The following GRM5 variants were observed in gnomAD, a reference collection of about 807,000 sequenced individuals.
GRM5 encodes glutamate metabotropic receptor 5.
GRM5 carries 19 observed loss-of-function variants against 83.1 expected under a neutral mutation model. The observed-to-expected ratio is 0.23, with a 90% CI of 0.16 to 0.34. The LOEUF is 0.34. GRM5 is among the 10% of genes least tolerant of loss of function. The probability of loss-of-function intolerance (pLI) is 1.00; values close to 1 mark genes in which losing one functional copy is unlikely to be tolerated. For missense variants in GRM5, 1,160 were observed against 1,588.3 expected (o/e 0.73, Z 4.58); for synonymous variants, 675 against 633.6 (o/e 1.07, Z -0.98).
Position 88,645,137 on chromosome 11 carries a change from C to A in GRM5, c.1147+8031G>T, listed in dbSNP as rs1504095. ...CAATGTACTTTTACATTGCTCTGAA[C>A]CCGTTCATTTAATCTTCATTTTATT... On this transcript the variant is annotated intron_variant, in intron 4 of 9. Coordinates refer to ENST00000305447, the MANE Select transcript of GRM5 (RefSeq NM_001143831.3). 4.3e-3 allele frequency among the ~76,000 whole-genome samples: 649 copies of A among 152,166 alleles called. 12 individuals are homozygous for A. In the East Asian group the frequency reaches 0.065, roughly 15 times the overall value.
intron 2 of GRM5, among the ~76,000 whole-genome samples, chr11:88,870,673 C>T (rs11021639): frequency 0.025 from 3,863 of 151,530 alleles, 176 homozygotes; most frequent in African/African-American, 0.089. Flanking sequence ...ATCTTGTGTT[C>T]CATTGTGGAC....
chr11:88,537,511 C>G (rs752456666), intron 8 of GRM5, among the ~76,000 whole-genome samples: 2 of 152,094 alleles, frequency 1.3e-5, no homozygotes, highest in African/African-American at 2.4e-5. Context: ...CCCAAGTCAG[C>G]CTTCCAAGTC....
chr11:88,872,508 G>T (rs1944787158), intron 2 of GRM5, among the ~76,000 whole-genome samples: 1 of 151,456 alleles, frequency 6.6e-6, no homozygotes, highest in African/African-American at 2.4e-5. Context: ...AAATTGTGAG[G>T]GAGGCAGAAG....
chr11:88,785,485 T>G (rs977457592), intron 3 of GRM5, among the ~76,000 whole-genome samples: 3 of 152,090 alleles, frequency 2.0e-5, no homozygotes, highest in Admixed American at 2.0e-4. Context: ...AATAAAGATT[T>G]TTGTCCCATT....
chr11:88,993,750 C>T (rs1448784054), intron 2 of GRM5, among the ~76,000 whole-genome samples: 1 of 152,094 alleles, frequency 6.6e-6, no homozygotes, highest in African/African-American at 2.4e-5. Flanking sequence ...GAGACAGGGT[C>T]TCACTCTGTT....
chr11:88,774,604 AT>A (rs200984972), intron 3 of GRM5, among the ~76,000 whole-genome samples: 3,457 of 152,198 alleles, frequency 0.023, 202 homozygotes, highest in Admixed American at 0.14. Context: ...AATAGCTCTT[AT>A]TATTTTGAGA....
intron 5 of GRM5, among the ~76,000 whole-genome samples, chr11:88,599,998 G>A (rs1164685397): frequency 1.3e-5 from 2 of 152,182 alleles, no homozygotes; most frequent in Non-Finnish European, 2.9e-5. Context: ...GGGTGACAGA[G>A]TGAGACTGTC....
intron 1 of GRM5, among the ~76,000 whole-genome samples, chr11:89,048,775 G>C (rs1327640426): frequency 6.6e-6 from 1 of 152,102 alleles, no homozygotes; most frequent in Non-Finnish European, 1.5e-5. Context: ...CCCCAAATAG[G>C]CTGCAAGGAA....
intron 2 of GRM5, among the ~76,000 whole-genome samples, chr11:88,956,707 G>C (rs1479597429): frequency 6.6e-6 from 1 of 152,354 alleles, no homozygotes; most frequent in East Asian, 1.9e-4. Flanking sequence ...TCGAGAGGCT[G>C]AGGCAGGAGA....
At chr11:88,649,390 T>A (rs1175333197) in intron 4 of GRM5, among the ~76,000 whole-genome samples, 1 of 142,344 alleles carries the variant, frequency 7.0e-6, no homozygotes, top group African/African-American at 2.6e-5. Context: ...ATGTATTATA[T>A]ATTATATATT....
chr11:88,639,216 C>T (rs1198055285), intron 4 of GRM5, among the ~76,000 whole-genome samples: 1 of 152,122 alleles, frequency 6.6e-6, no homozygotes, highest in Admixed American at 6.5e-5. Flanking sequence ...TGTCCCGGGT[C>T]ATGCGTGTTT....
chr11:88,737,235 A>G (rs1941933954), intron 3 of GRM5, among the ~76,000 whole-genome samples: 1 of 152,076 alleles, frequency 6.6e-6, no homozygotes, highest in Non-Finnish European at 1.5e-5. Flanking sequence ...CTCCTTTAAC[A>G]GTATAATGCT....
intron 3 of GRM5, 77 bp from the exon 4 acceptor site, chr11:88,653,480 C>T: frequency 1.1e-6 from 1 of 917,168 alleles, no homozygotes; most frequent in Non-Finnish European, 1.7e-6. Context: ...TTCCTTTTGA[C>T]AAGATTAGTC....
chr11:88,946,582 A>C (rs1004874986), intron 2 of GRM5, among the ~76,000 whole-genome samples: 1 of 152,080 alleles, frequency 6.6e-6, no homozygotes, highest in African/African-American at 2.4e-5. Context: ...CAAATATTGC[A>C]TGTTTTCACT....
At chr11:88,666,698 G>A (rs1940053989) in intron 3 of GRM5, among the ~76,000 whole-genome samples, 1 of 152,132 alleles carries the variant, frequency 6.6e-6, no homozygotes, top group Non-Finnish European at 1.5e-5. Context: ...AAACTGGAAA[G>A]TGATAGGCTC....
At chr11:88,654,680 T>C (rs1351118510) in intron 3 of GRM5, among the ~76,000 whole-genome samples, 1 of 152,090 alleles carries the variant, frequency 6.6e-6, no homozygotes, top group Non-Finnish European at 1.5e-5. Context: ...AGATTTACAC[T>C]ACCAATCACT....
At chr11:88,984,567 A>T (rs1045561073) in intron 2 of GRM5, 4 of 448,786 alleles carry the variant, frequency 8.9e-6, no homozygotes, top group Non-Finnish European at 1.6e-5. Context: ...TTATGCAGCT[A>T]ATTAGCAATA....
chr11:88,713,861 A>T (rs1025673445), intron 3 of GRM5, among the ~76,000 whole-genome samples: 4 of 151,926 alleles, frequency 2.6e-5, no homozygotes, highest in African/African-American at 9.7e-5. Flanking sequence ...CAAAATTTTG[A>T]TTGTTCTTCA....
chr11:88,918,016 A>C (rs1293903444), intron 2 of GRM5, among the ~76,000 whole-genome samples: 3 of 152,124 alleles, frequency 2.0e-5, no homozygotes, highest in African/African-American at 7.2e-5. Context: ...AAATAAGACT[A>C]ACTCAGGAGA....
Sources: gnomAD v4.1 joint callset for allele counts (sites outside exome capture counted in the v4.1 genomes callset) on GRCh38, gnomAD v4.1.1 for gene constraint, MANE v1.5 for transcripts, NCBI Gene and HGNC (gene_info 2026-07-23, HGNC 2026-07-21) for gene names.